The following MARK2 variants were observed in gnomAD, a reference collection of about 807,000 sequenced individuals.
MARK2 encodes serine/threonine-protein kinase MARK2.
In MARK2, 16 loss-of-function variants were observed where a neutral mutation model predicts 89.8. The observed-to-expected ratio is 0.18, with a 90% confidence interval of 0.12 to 0.27. MARK2 has a LOEUF of 0.27. MARK2 is among the 10% of genes least tolerant of loss of function. MARK2 has a pLI of 1.00. For missense variants in MARK2, 621 were observed against 1,049.9 expected (o/e 0.59, Z 5.65); for synonymous variants, 382 against 399.5 (o/e 0.96, Z 0.52).
Position 63,875,976 on chromosome 11 carries a change from C to T in MARK2, c.55-19183C>T, listed in dbSNP as rs900980059. On this transcript the variant is annotated intron_variant, in intron 1 of 18. Transcript: ENST00000402010. ...TTACTCTGGCCACACTGTGCACACG[C>T]ATGTGTGTGTAAAACACTGATCACA... 2.0e-5 allele frequency among the ~76,000 whole-genome samples: 3 copies of T among 152,318 alleles called. No individual in the cohort carries two copies. In the East Asian group the frequency reaches 5.8e-4, roughly 29 times the overall value.
At chr11:63,856,268 T>G (rs1223802163) in intron 1 of MARK2, among the ~76,000 whole-genome samples, 1 of 151,070 alleles carries the variant, frequency 6.6e-6, no homozygotes, top group Non-Finnish European at 1.5e-5. Flanking sequence ...CAAAGATAAC[T>G]GATTTCCTCC....
chr11:63,888,423 C>T (rs954933620), intron 1 of MARK2: 29 of 617,796 alleles, frequency 4.7e-5, no homozygotes, highest in Admixed American at 4.0e-4. Flanking sequence ...TGAGTCTCCT[C>T]GACCTCTCGC....
Position 63,900,423 on chromosome 11 carries a change from C to A in MARK2, c.769-136C>A. 1 of 1,073,846 alleles carries A rather than the reference C, an allele frequency of 9.3e-7. No homozygotes were observed. The highest frequency in any genetic ancestry group is 1.5e-5 in the South Asian group (1 of 67,402). The allele number at this position is 1,073,846 out of a possible 1,614,324, so 66.5% of individuals were successfully genotyped here. On this transcript the variant is annotated intron_variant, in intron 8 of 18. Coordinates refer to ENST00000402010, the MANE Select transcript of MARK2 (RefSeq NM_001039469.3). This position sits in a 1 kb window ranked among gnomAD's most constrained non-coding sequence, Gnocchi z 4.7. ...TTGCCTCTCTGGTGAGGTGTCTTGT[C>A]CCCAGGCTGTCTGCCTTCTTCCATA...
chr11:63,867,202 G>A (rs560958535), intron 1 of MARK2, among the ~76,000 whole-genome samples: 33 of 152,220 alleles, frequency 2.2e-4, no homozygotes, highest in Non-Finnish European at 3.7e-4. Flanking sequence ...AATGTTTTGC[G>A]TTTTTTGTAG....
chr11:63,885,745 A>G (rs1262680151), intron 1 of MARK2, among the ~76,000 whole-genome samples: 1 of 151,830 alleles, frequency 6.6e-6, no homozygotes, highest in Non-Finnish European at 1.5e-5. Flanking sequence ...CAGGCAGGAG[A>G]ATCACTGGAA....
intron 1 of MARK2, among the ~76,000 whole-genome samples, chr11:63,885,833 CAAA>C (rs1244251214): frequency 7.6e-6 from 1 of 131,054 alleles, no homozygotes; most frequent in African/African-American, 2.8e-5. Flanking sequence ...GACTCCATCT[CAAA>C]AAAAAAAAGA....
Position 63,851,373 on chromosome 11 carries a change from A to C in MARK2, c.54+11813A>C, listed in dbSNP as rs1274293713. 2.6e-5 allele frequency among the ~76,000 whole-genome samples: 4 copies of C among 152,154 alleles called. No homozygotes were observed. The East Asian group carries it at 7.7e-4, about 29-fold the overall frequency. Reference sequence around the variant, plus strand: ...AGGCAGGAGGGTCACTTGAGGCTGGAGGATTGCTTGAGGCCAGCCTGGGCA... The same window carrying C: ...AGGCAGGAGGGTCACTTGAGGCTGGCGGATTGCTTGAGGCCAGCCTGGGCA... On this transcript the variant is annotated intron_variant, in intron 1 of 18. Coordinates refer to ENST00000402010, the MANE Select transcript of MARK2 (RefSeq NM_001039469.3).
intron 1 of MARK2, among the ~76,000 whole-genome samples, chr11:63,859,020 G>A (rs1197086383): frequency 6.6e-6 from 1 of 150,612 alleles, no homozygotes. Context: ...AAGATCATTT[G>A]GCTTACTTGG....
intron 1 of MARK2, among the ~76,000 whole-genome samples, chr11:63,841,161 C>G (rs1050834203): frequency 4.6e-5 from 7 of 152,136 alleles, no homozygotes; most frequent in African/African-American, 1.7e-4. Context: ...CTTTGTAGCC[C>G]GGTAGAGCAG....
intron 1 of MARK2, among the ~76,000 whole-genome samples, chr11:63,857,412 C>T (rs1319327091): frequency 6.6e-6 from 1 of 151,844 alleles, no homozygotes; most frequent in East Asian, 1.9e-4. Context: ...AACTCCTTAC[C>T]TCAGGTGATC....
At chr11:63,880,986 C>G in intron 1 of MARK2, among the ~76,000 whole-genome samples, 1 of 152,176 alleles carries the variant, frequency 6.6e-6, no homozygotes, top group East Asian at 1.9e-4. Flanking sequence ...GAATACTGTG[C>G]TGGGCATTGT....
At chr11:63,883,580 T>TC (rs1288715600) in intron 1 of MARK2, among the ~76,000 whole-genome samples, 1 of 151,524 alleles carries the variant, frequency 6.6e-6, no homozygotes, top group African/African-American at 2.4e-5. Flanking sequence ...ACATGGATTT[T>TC]CCTTTTTTTT....
chr11:63,864,550 G>C (rs573239798), intron 1 of MARK2, among the ~76,000 whole-genome samples: 1 of 151,910 alleles, frequency 6.6e-6, no homozygotes, highest in African/African-American at 2.4e-5. Flanking sequence ...GTGAGCCACC[G>C]TGCCTGGCTT....
Position 63,909,318 on chromosome 11 carries a change from CTG to C in MARK2, c.*82_*83del. ...GCTGCGCCGCCCCACCTGGGCGAGA[CTG>C]CAGCGATGGATTGGTGTGTCTCCCC... On this transcript the variant is annotated 3_prime_UTR_variant, in exon 19 of 19. Transcript: ENST00000402010. The C allele has an allele frequency of 7.2e-7, 1 of 1,396,494 alleles. No homozygotes were observed. Among genetic ancestry groups the C allele is most frequent in the Non-Finnish European group, 9.5e-7 (1 of 1,050,424 alleles). 86.5% of individuals were successfully genotyped at this position (1,396,494 alleles called of 1,614,324 possible).
At chr11:63,849,535 C>T (rs1018062652) in intron 1 of MARK2, among the ~76,000 whole-genome samples, 3 of 152,134 alleles carry the variant, frequency 2.0e-5, no homozygotes, top group Admixed American at 6.5e-5. Flanking sequence ...GGCGGATCAC[C>T]TGAGGTCAGG....
chr11:63,902,793 C>T lies in MARK2; in HGVS notation c.1416+11C>T. 1.3e-6 allele frequency: 2 copies of T among 1,598,274 alleles called. No individual in the cohort carries two copies. The highest frequency in any genetic ancestry group is 1.7e-6 in the Non-Finnish European group (2 of 1,168,096). ...CCAACCCCCTCCACGGTGAGCCGCA[C>T]CCCCCGCTCTCTCCTTCCTTCCTGC... On this transcript the variant is annotated intron_variant, in intron 13 of 18. Coordinates refer to ENST00000402010, the MANE Select transcript of MARK2 (RefSeq NM_001039469.3). The surrounding 1 kb of genome is among the most constrained non-coding windows in gnomAD (Gnocchi z 4.2).
At chr11:63,866,351 CA>C (rs57664174) in intron 1 of MARK2, among the ~76,000 whole-genome samples, 20,128 of 86,052 alleles carry the variant, frequency 0.23, 2,573 homozygotes, top group African/African-American at 0.45. Flanking sequence ...GACTCAGTCT[CA>C]AAAAAAAAAA....
At chr11:63,882,331 C>T (rs1160207298) in intron 1 of MARK2, among the ~76,000 whole-genome samples, 4 of 151,936 alleles carry the variant, frequency 2.6e-5, no homozygotes, top group Non-Finnish European at 5.9e-5. Context: ...CACCTGTAAT[C>T]CCAGCACTTT....
intron 1 of MARK2, among the ~76,000 whole-genome samples, chr11:63,885,807 C>T (rs1199492391): frequency 1.3e-5 from 2 of 149,728 alleles, no homozygotes; most frequent in African/African-American, 4.9e-5. Context: ...GCACTCCAGC[C>T]TGGGTGACAG....
Sources: allele counts gnomAD v4.1 joint callset (sites outside exome capture counted in the v4.1 genomes callset), GRCh38; gene constraint gnomAD v4.1.1; non-coding constraint Gnocchi (gnomAD v3.1); transcripts MANE v1.5; gene names NCBI Gene and HGNC (gene_info 2026-07-23, HGNC 2026-07-21).